The following GRK2 variants were observed in gnomAD, a reference collection of about 807,000 sequenced individuals.
GRK2 encodes G protein-coupled receptor kinase 2.
GRK2 carries 23 observed loss-of-function variants against 97.8 expected under a neutral mutation model. The ratio of observed to expected loss-of-function variants is 0.24; its 90% CI spans 0.17 to 0.33. GRK2 has a LOEUF of 0.33. Among genes scored for constraint, GRK2 ranks in the 10% least tolerant of loss-of-function variants. The pLI is 1.00. For synonymous variants in GRK2, 425 were observed against 381.7 expected (o/e 1.11, Z -1.32); for missense variants, 633 against 956.9 (o/e 0.66, Z 4.47).
At position 67,271,895 on chromosome 11, in the gene GRK2, T is replaced by C. The variant is rs74728744; in HGVS notation, c.113+5083T>C. ...CTGCTGCTGGCACCTTGGTGTCTGG[T>C]TTCCTGGAAATGCCACAGGGAGCAC... is the stretch of plus-strand genomic sequence containing the variant. On this transcript the variant is annotated intron_variant, in intron 1 of 20. Coordinates refer to ENST00000308595, the MANE Select transcript of GRK2 (RefSeq NM_001619.5). Among the ~76,000 whole-genome samples the C allele has an allele frequency of 5.6e-3, 854 of 152,302 alleles. 3 individuals carry two copies. Among genetic ancestry groups the C allele is most frequent in the African/African-American group, 0.02 (833 of 41,562 alleles).
In GRK2 at chr11:67,285,454, G is replaced by T. The variant is rs750883756; in HGVS notation, c.*4G>T. The T allele has an allele frequency of 2.2e-5, 33 of 1,532,554 alleles. No individual in the cohort carries two copies. Among genetic ancestry groups the T allele is most frequent in the Non-Finnish European group, 1.2e-5 (14 of 1,142,238 alleles). 94.9% of individuals were successfully genotyped at this position (1,532,554 alleles called of 1,614,324 possible). A position where few individuals can be genotyped will look rare whatever the true frequency, so the allele number is the denominator to read the frequency against. ...CGGCAGTGCCAACGGCCTCTGACCC[G>T]CCCACCCGCCTTTTATAAACCTCTA... On this transcript the variant is annotated 3_prime_UTR_variant, in exon 21 of 21. Coordinates refer to ENST00000308595, the MANE Select transcript of GRK2 (RefSeq NM_001619.5).
rs903119943 is a variant in GRK2 at position 67,276,024 on chromosome 11, T to C, written c.114-1248T>C. Among the ~76,000 whole-genome samples the C allele has an allele frequency of 6.6e-6, 1 of 152,106 alleles. No individual in the cohort carries two copies. Among genetic ancestry groups the C allele is most frequent in the African/African-American group, 2.4e-5 (1 of 41,412 alleles). On this transcript the variant is annotated intron_variant, in intron 1 of 20. Coordinates refer to ENST00000308595, the MANE Select transcript of GRK2 (RefSeq NM_001619.5). The surrounding 1 kb of genome is among the most constrained non-coding windows in gnomAD (Gnocchi z 4.2). ...TCCGACCAGCCCTGGGCTGGGCTCC[T>C]AGGGGCAGGCAGGGCCGGGGTGCAG...
chr11:67,277,126 C>G (rs1860047591), intron 1 of GRK2, 146 bp from the exon 2 acceptor site: 1 of 675,702 alleles, frequency 1.5e-6, no homozygotes, highest in African/African-American at 1.8e-5. Flanking sequence ...TGACCTGTGG[C>G]TGGGATAAGT....
chr11:67,286,167 G>T lies in GRK2; in HGVS notation c.*717G>T, dbSNP rs1229316351. On this transcript the variant is annotated 3_prime_UTR_variant, in exon 21 of 21. Transcript: ENST00000308595. Reference sequence around the variant, plus strand: ...GGCACCTGCAGGTTGGGCCATACTGGCCTCGCCTGGCCTGAGGTCTCGCTG... The same window carrying T: ...GGCACCTGCAGGTTGGGCCATACTGTCCTCGCCTGGCCTGAGGTCTCGCTG... The T allele has an allele frequency of 7.7e-6, 4 of 520,922 alleles. No homozygotes were observed. Among genetic ancestry groups the T allele is most frequent in the Non-Finnish European group, 1.0e-5 (3 of 297,044 alleles). The allele number at this position is 520,922 out of a possible 1,614,324, so 32.3% of individuals were successfully genotyped here.
At chr11:67,271,119 A>T (rs1468879908) in intron 1 of GRK2, 1 of 152,268 alleles carries the variant, frequency 6.6e-6, no homozygotes, top group East Asian at 1.9e-4. Context: ...GGGAACCAAA[A>T]GCACAGTGTA....
At chr11:67,279,157 CTG>C (rs755497246) in intron 2 of GRK2, 41 bp from the exon 3 acceptor site, 30 of 1,555,432 alleles carry the variant, frequency 1.9e-5, no homozygotes, top group Non-Finnish European at 2.5e-5. Flanking sequence ...GGGAAGGCCT[CTG>C]AGAGAGGCGT....
chr11:67,267,653 C>T (rs1273049794), intron 1 of GRK2, among the ~76,000 whole-genome samples: 1 of 152,218 alleles, frequency 6.6e-6, no homozygotes, highest in Non-Finnish European at 1.5e-5. Context: ...GACATCACAC[C>T]TGGTATCAAA....
rs1860023936 is a variant in GRK2 at position 67,276,151 on chromosome 11, C to T, written c.114-1121C>T. Among the ~76,000 whole-genome samples the T allele has an allele frequency of 6.6e-6, 1 of 152,228 alleles. No homozygotes were observed. Among genetic ancestry groups the T allele is most frequent in the Non-Finnish European group, 1.5e-5 (1 of 68,046 alleles). On this transcript the variant is annotated intron_variant, in intron 1 of 20. Coordinates refer to ENST00000308595, the MANE Select transcript of GRK2 (RefSeq NM_001619.5). This position sits in a 1 kb window ranked among gnomAD's most constrained non-coding sequence, Gnocchi z 4.2. ...GGAGGCCTGCTGGTGGCCCCATAGA[C>T]CTGCAGGGCCATGTGAGCGTGACAT...
intron 1 of GRK2, among the ~76,000 whole-genome samples, chr11:67,271,648 C>G (rs1012938939): frequency 6.6e-6 from 1 of 152,258 alleles, no homozygotes; most frequent in Admixed American, 6.5e-5. Context: ...TGAGCATCCC[C>G]GCAAGGGAGC....
At chr11:67,273,181 C>T (rs1330878497) in intron 1 of GRK2, among the ~76,000 whole-genome samples, 1 of 152,226 alleles carries the variant, frequency 6.6e-6, no homozygotes, top group African/African-American at 2.4e-5. Flanking sequence ...AAGTTTGTGA[C>T]CAGGTGGTGA....
chr11:67,267,600 C>T (rs1420092201), intron 1 of GRK2, among the ~76,000 whole-genome samples: 1 of 152,238 alleles, frequency 6.6e-6, no homozygotes, highest in Non-Finnish European at 1.5e-5. Flanking sequence ...TCCCAGCACA[C>T]CTGCAATGGC....
chr11:67,282,402 C>T lies in GRK2; in HGVS notation c.1053-33C>T. ...CCACCCTCTCCCTCCCCACCCCTTG[C>T]CACTCCCGCTTATGGCCCCCTTGCT... On this transcript the variant is annotated intron_variant, in intron 12 of 20. Coordinates refer to ENST00000308595, the MANE Select transcript of GRK2 (RefSeq NM_001619.5). The surrounding 1 kb of genome is among the most constrained non-coding windows in gnomAD (Gnocchi z 6.9). The T allele has an allele frequency of 6.6e-7, 1 of 1,506,244 alleles. No individual in the cohort carries two copies. The highest frequency in any genetic ancestry group is 9.1e-7 in the Non-Finnish European group (1 of 1,095,030). 93.3% of individuals were successfully genotyped at this position (1,506,244 alleles called of 1,614,324 possible). A position where few individuals can be genotyped will look rare whatever the true frequency, so the allele number is the denominator to read the frequency against.
At chr11:67,268,586 CG>C (rs950533326) in intron 1 of GRK2, among the ~76,000 whole-genome samples, 2 of 152,122 alleles carry the variant, frequency 1.3e-5, no homozygotes, top group Non-Finnish European at 2.9e-5. Context: ...AACTGTGAGG[CG>C]GGGCCTTTTC....
chr11:67,280,733 G>T lies in GRK2; in HGVS notation c.505G>T (p.Asp169Tyr), dbSNP rs753435050. 6.2e-7 allele frequency: 1 copy of T among 1,614,080 alleles called. No homozygotes were observed. The highest frequency in any genetic ancestry group is 1.1e-5 in the South Asian group (1 of 91,090). Residue 169 changes from aspartate to tyrosine, a missense_variant and splice_region_variant, in exon 7 of 21, where the codon GAT becomes TAT. Transcript: ENST00000308595. Reference protein sequence around the residue: ...GDVFQKFIESDKFTRFCQWKN... With the variant: ...GDVFQKFIESYKFTRFCQWKN... ...TGAGCCCTGATTCTTCTTTTCCAGC[G>T]ATAAGTTCACACGGTTTTGCCAGTG...
At position 67,281,153 on chromosome 11, in the gene GRK2, T is replaced by A. The variant is rs759292676; in HGVS notation, c.616T>A (p.Tyr206Asn). 6.2e-7 allele frequency: 1 copy of A among 1,613,414 alleles called. No individual in the cohort carries two copies. The highest frequency in any genetic ancestry group is 8.5e-7 in the Non-Finnish European group (1 of 1,179,764). The change falls in exon 8 of 21, where the codon TAT becomes AAT. Residue 206 changes from tyrosine (Y) to asparagine (N), a missense_variant. By Grantham distance (143) the Tyr-to-Asn change is moderately radical. This residue lies in a region of GRK2 where 192 missense variants were observed against 362.3 expected (regional missense o/e 0.53). Transcript: ENST00000308595. This position sits in a 1 kb window ranked among gnomAD's most constrained non-coding sequence, Gnocchi z 5.7. ...TGGGCGCGGGGGCTTTGGCGAGGTC[T>A]ATGGGTGCCGGAAGGCTGACACAGG... is the stretch of plus-strand genomic sequence containing the variant. Reference protein sequence around the residue: ...IIGRGGFGEVYGCRKADTGKM... With the variant: ...IIGRGGFGEVNGCRKADTGKM...
chr11:67,281,637 T>G lies in GRK2; in HGVS notation c.748-13T>G. The G allele has an allele frequency of 5.8e-6, 4 of 685,058 alleles. No homozygotes were observed. Among genetic ancestry groups the G allele is most frequent in the Non-Finnish European group, 9.5e-6 (4 of 421,690 alleles). 42.4% of individuals were successfully genotyped at this position (685,058 alleles called of 1,614,324 possible). ...GCTAACTGCCCGCCCCCTCCCCTCC[T>G]CTCCCCTCCTAGGACTGCCCATTCA... On this transcript the variant is annotated splice_polypyrimidine_tract_variant and intron_variant, in intron 9 of 20. Transcript: ENST00000308595. The surrounding 1 kb of genome is among the most constrained non-coding windows in gnomAD (Gnocchi z 5.7).
At chr11:67,280,991 A>G in intron 7 of GRK2, 102 bp from the exon 8 acceptor site, 1 of 1,172,618 alleles carries the variant, frequency 8.5e-7, no homozygotes, top group Non-Finnish European at 1.2e-6. Context: ...GGACATGGGT[A>G]TGGGGACCCT....
At position 67,279,978 on chromosome 11, in the gene GRK2, A is replaced by G. The variant is rs1248422648; in HGVS notation, c.503+78A>G. Reference sequence around the variant, plus strand: ...AAGGGGTATGGCTGGCGTGGAGGGCAGAAGCCAGCCTTCATTAGGCCCTGA... The same window carrying G: ...AAGGGGTATGGCTGGCGTGGAGGGCGGAAGCCAGCCTTCATTAGGCCCTGA... On this transcript the variant is annotated intron_variant, in intron 6 of 20. Coordinates refer to ENST00000308595, the MANE Select transcript of GRK2 (RefSeq NM_001619.5). 2.8e-6 allele frequency: 4 copies of G among 1,445,294 alleles called. No individual in the cohort carries two copies. The African/African-American group carries it at 4.2e-5, about 15-fold the overall frequency. The allele number at this position is 1,445,294 out of a possible 1,614,324, so 89.5% of individuals were successfully genotyped here.
rs1860258095 is a variant in GRK2, at chr11:67,285,458, A to C, written c.*8A>C. ...AGTGCCAACGGCCTCTGACCCGCCC[A>C]CCCGCCTTTTATAAACCTCTAATTT... On this transcript the variant is annotated 3_prime_UTR_variant, in exon 21 of 21. Transcript: ENST00000308595. 9 of 1,529,398 alleles carry C rather than the reference A, an allele frequency of 5.9e-6. No individual in the cohort carries two copies. Among genetic ancestry groups the C allele is most frequent in the Non-Finnish European group, 7.0e-6 (8 of 1,140,616 alleles). The allele number at this position is 1,529,398 out of a possible 1,614,324, so 94.7% of individuals were successfully genotyped here.
Sources: gnomAD v4.1 joint callset for allele counts (sites outside exome capture counted in the v4.1 genomes callset) on GRCh38, gnomAD v4.1.1 for gene constraint, gnomAD v4.1.1 regional missense constraint, Gnocchi (gnomAD v3.1) non-coding constraint, MANE v1.5 for transcripts, NCBI Gene and HGNC (gene_info 2026-07-23, HGNC 2026-07-21) for gene names.